ANKRD28: variants seen among roughly 807,000 people sequenced by gnomAD.
The protein encoded by ANKRD28 is serine/threonine-protein phosphatase 6 regulatory ankyrin repeat subunit A.
ANKRD28 carries 44 observed loss-of-function variants against 126.5 expected under a neutral mutation model. That is an observed-to-expected ratio of 0.35 (90% CI 0.27 to 0.45). The LOEUF (loss-of-function observed/expected upper bound fraction) is 0.45, where lower values mean the gene tolerates loss of function less well. Ranked by LOEUF, ANKRD28 falls within the 20% of genes least tolerant of loss-of-function variation. ANKRD28 has a pLI of 1.00. For missense variants in ANKRD28, 1,110 were observed against 1,316.6 expected (o/e 0.84, Z 2.43); for synonymous variants, 442 against 468.5 (o/e 0.94, Z 0.73).
At chr3:15,798,433 A>T (rs1037966673), upstream of ANKRD28, among the ~76,000 whole-genome samples, 4 of 152,196 alleles carry the variant, frequency 2.6e-5, no homozygotes, top group Non-Finnish European at 5.9e-5. Context: ...AGCTTAAACA[A>T]ATGAAATTTA....
chr3:15,850,200 A>AT (rs1208827136), intron 1 of ANKRD28, among the ~76,000 whole-genome samples: 1,537 of 46,966 alleles, frequency 0.033, 77 homozygotes, highest in East Asian at 0.13. Context: ...TAAAAAAAAA[A>AT]AAAAATATAT....
intron 6 of ANKRD28, among the ~76,000 whole-genome samples, chr3:15,730,156 C>T (rs1473451051): frequency 1.9e-4 from 29 of 152,190 alleles, no homozygotes; most frequent in Non-Finnish European, 2.9e-5. Flanking sequence ...ATGCCCAGCC[C>T]ATGGTAAAAA....
intron 4 of ANKRD28, among the ~76,000 whole-genome samples, chr3:15,749,110 T>TTTTTTG (rs2057695906): frequency 7.4e-6 from 1 of 134,268 alleles, no homozygotes; most frequent in South Asian, 2.6e-4. Flanking sequence ...TGTTTTTTTT[T>TTTTTTG]TTTTTTTTTT....
intron 1 of ANKRD28, among the ~76,000 whole-genome samples, chr3:15,820,820 G>A (rs1456940109): frequency 6.6e-6 from 1 of 152,052 alleles, no homozygotes; most frequent in Non-Finnish European, 1.5e-5. Context: ...ATTTTAGATT[G>A]ACATCTCCCT....
At chr3:15,798,278 G>T (rs924277815), upstream of ANKRD28, 12 of 450,740 alleles carry the variant, frequency 2.7e-5, no homozygotes, top group African/African-American at 2.6e-4. Flanking sequence ...GTTGCAGTAA[G>T]AATATGCCTG....
intron 7 of ANKRD28, 144 bp downstream of exon 7, chr3:15,724,238 A>G: frequency 4.4e-6 from 3 of 678,502 alleles, no homozygotes; most frequent in Non-Finnish European, 7.0e-6. Flanking sequence ...TGCACTAGAT[A>G]TTATGTAAAG....
chr3:15,831,365 A>G (rs2061186190), intron 1 of ANKRD28, among the ~76,000 whole-genome samples: 1 of 152,202 alleles, frequency 6.6e-6, no homozygotes, highest in African/African-American at 2.4e-5. Context: ...CAAACTCCAC[A>G]TAACTACCAG....
intron 4 of ANKRD28, among the ~76,000 whole-genome samples, chr3:15,744,499 T>G (rs1341440192): frequency 6.8e-6 from 1 of 146,044 alleles, no homozygotes; most frequent in African/African-American, 2.6e-5. Flanking sequence ...GTACTTTTCA[T>G]AGAGATGGGG....
At chr3:15,710,349 G>GT (rs1347926016) in intron 12 of ANKRD28, among the ~76,000 whole-genome samples, 1 of 152,160 alleles carries the variant, frequency 6.6e-6, no homozygotes, top group Admixed American at 6.5e-5. Flanking sequence ...AATGAAAACT[G>GT]TAACTGTCAA....
At chr3:15,707,697 T>C (rs573793855) in intron 14 of ANKRD28, among the ~76,000 whole-genome samples, 4 of 152,358 alleles carry the variant, frequency 2.6e-5, no homozygotes, top group African/African-American at 4.8e-5. Context: ...GGGACCTTTA[T>C]CTTTCTTCCA....
rs1293182945 is a variant in ANKRD28, at chr3:15,815,700, T to C, written c.28-20394A>G. Among the ~76,000 whole-genome samples, 1 of 152,182 alleles carries C rather than the reference T, an allele frequency of 6.6e-6. No homozygotes were observed. Among genetic ancestry groups the C allele is most frequent in the African/African-American group, 2.4e-5 (1 of 41,442 alleles). The stretch of plus-strand genomic sequence containing the variant: ...TAGTAATTAATGCCTTCTAAAATGT[T>C]AGAAGACATAAACTATCCTTGGATA... On this transcript the variant is annotated intron_variant, in intron 1 of 27. Coordinates refer to the ANKRD28 transcript ENST00000399451. This position sits in a 1 kb window ranked among gnomAD's most constrained non-coding sequence, Gnocchi z 4.1.
rs567101037 is a variant in ANKRD28 at position 15,789,327 on chromosome 3, C to T, written c.201+5896G>A. ...GAACCAAGACTGATCTAGCAAAAAG[C>T]GAACCCCATTCTGCTTTGCTGGTGA... On this transcript the variant is annotated intron_variant, in intron 2 of 27. Transcript: ENST00000683139. 3.3e-5 allele frequency among the ~76,000 whole-genome samples: 5 copies of T among 152,064 alleles called. No individual in the cohort carries two copies. In the South Asian group the frequency reaches 8.3e-4, roughly 25 times the overall value.
At position 15,804,462 on chromosome 3, in the gene ANKRD28, T is replaced by C. The variant is rs557860942; in HGVS notation, c.28-9156A>G. On this transcript the variant is annotated intron_variant, in intron 1 of 27. Transcript: ENST00000399451. ...GGTGCTTTGTCAAAGAAATCAATGG[T>C]CTGCTAGTTAGAACATTCCATGTAA... is the stretch of plus-strand genomic sequence containing the variant. Among the ~76,000 whole-genome samples, 6 of 146,002 alleles carry C rather than the reference T, an allele frequency of 4.1e-5. 1 individual carries two copies. The highest frequency in any genetic ancestry group is 8.9e-5 in the Non-Finnish European group (6 of 67,278).
chr3:15,730,083 C>T (rs1210761285), intron 6 of ANKRD28, among the ~76,000 whole-genome samples: 1 of 152,046 alleles, frequency 6.6e-6, no homozygotes, highest in Non-Finnish European at 1.5e-5. Context: ...TCTTCAACTC[C>T]TGGGCTCAAG....
intron 1 of ANKRD28, among the ~76,000 whole-genome samples, chr3:15,832,422 C>T (rs548024183): frequency 5.3e-5 from 8 of 152,282 alleles, no homozygotes; most frequent in Admixed American, 2.6e-4. Context: ...GGTAAATTCC[C>T]TCCCAGTTTC....
At chr3:15,820,119 A>G (rs1419339781) in intron 1 of ANKRD28, among the ~76,000 whole-genome samples, 1 of 152,226 alleles carries the variant, frequency 6.6e-6, no homozygotes, top group East Asian at 1.9e-4. Flanking sequence ...TGATGAATCA[A>G]GTTGACAACA....
chr3:15,818,033 G>A (rs960270444), intron 1 of ANKRD28, among the ~76,000 whole-genome samples: 2 of 151,954 alleles, frequency 1.3e-5, no homozygotes, highest in African/African-American at 4.8e-5. Flanking sequence ...AAATACTAAG[G>A]TATAAATTCA....
At chr3:15,818,820 T>C (rs551138741) in intron 1 of ANKRD28, among the ~76,000 whole-genome samples, 3 of 152,354 alleles carry the variant, frequency 2.0e-5, no homozygotes, top group African/African-American at 7.2e-5. Flanking sequence ...TTTCAATTTT[T>C]CCTCATTTAA....
chr3:15,771,177 A>G (rs2058983224), intron 2 of ANKRD28, among the ~76,000 whole-genome samples: 1 of 152,052 alleles, frequency 6.6e-6, no homozygotes, highest in South Asian at 2.1e-4. Flanking sequence ...TGGGAAGCCC[A>G]GGCGGGCGGA....
Sources: allele counts gnomAD v4.1 joint callset (sites outside exome capture counted in the v4.1 genomes callset), GRCh38; gene constraint gnomAD v4.1.1; non-coding constraint Gnocchi (gnomAD v3.1); transcripts MANE v1.5; gene names NCBI Gene and HGNC (gene_info 2026-07-23, HGNC 2026-07-21).